FBXL17: variants seen among roughly 807,000 people sequenced by gnomAD.
FBXL17 encodes the protein F-box/LRR-repeat protein 17.
Under a neutral mutation model 66.2 loss-of-function variants are expected in FBXL17, and 22 were observed. That is an observed-to-expected ratio of 0.33 (90% confidence interval 0.24 to 0.47). The LOEUF is 0.47. Among genes scored for constraint, FBXL17 ranks in the 20% least tolerant of loss-of-function variants. FBXL17 has a pLI of 1.00. For missense variants in FBXL17, 878 were observed against 948.2 expected, an observed-to-expected ratio of 0.93 and a Z score of 0.97; for synonymous variants, 474 against 400.5, an observed-to-expected ratio of 1.18 and a Z score of -2.19.
At chr5:108,372,170 C>T (rs1489281908) in intron 1 of FBXL17, among the ~76,000 whole-genome samples, 1 of 152,206 alleles carries the variant, frequency 6.6e-6, no homozygotes, top group Non-Finnish European at 1.5e-5. Flanking sequence ...AATCATATCT[C>T]TTTCTTGAGA....
At chr5:107,899,936 C>T (rs550595923) in intron 7 of FBXL17, among the ~76,000 whole-genome samples, 1 of 151,916 alleles carries the variant, frequency 6.6e-6, no homozygotes, top group Non-Finnish European at 1.5e-5. Context: ...GTACTTGTAC[C>T]CCCTAAATAT....
intron 7 of FBXL17, among the ~76,000 whole-genome samples, chr5:107,899,846 G>T (rs935817258): frequency 1.3e-5 from 2 of 151,732 alleles, no homozygotes; most frequent in African/African-American, 4.9e-5. Flanking sequence ...ATACCTGTTG[G>T]GTCTAATATT....
At chr5:108,245,633 T>A (rs918725529) in intron 4 of FBXL17, among the ~76,000 whole-genome samples, 2 of 152,128 alleles carry the variant, frequency 1.3e-5, no homozygotes, top group African/African-American at 4.8e-5. Context: ...CCACCATCCA[T>A]CGTAACTCAG....
In FBXL17 at chr5:107,861,871, A is replaced by G. The variant is rs1748133002; in HGVS notation, c.1966-11T>C. 1 of 1,508,508 alleles carries G rather than the reference A, an allele frequency of 6.6e-7. No individual in the cohort carries two copies. Among genetic ancestry groups the G allele is most frequent in the Non-Finnish European group, 8.9e-7 (1 of 1,119,984 alleles). The allele number at this position is 1,508,508 out of a possible 1,614,324, so 93.4% of individuals were successfully genotyped here. ...CGTCACTTCGTTGACCTGCAAACAA[A>G]GAAGAGTCACCATCACGCACAGAGA... On this transcript the variant is annotated splice_polypyrimidine_tract_variant and intron_variant, in intron 8 of 8. Coordinates refer to ENST00000542267, the MANE Select transcript of FBXL17 (RefSeq NM_001163315.3).
intron 6 of FBXL17, among the ~76,000 whole-genome samples, chr5:108,046,289 A>G (rs1223590373): frequency 3.9e-5 from 6 of 152,092 alleles, no homozygotes; most frequent in African/African-American, 1.4e-4. Context: ...TGTTTGCATG[A>G]TATATCTTTT....
intron 4 of FBXL17, among the ~76,000 whole-genome samples, chr5:108,295,682 C>T (rs1758317874): frequency 6.6e-6 from 1 of 151,994 alleles, no homozygotes; most frequent in African/African-American, 2.4e-5. Flanking sequence ...AATAAGAGAT[C>T]TTCCAGTAAT....
At chr5:108,358,802 T>G (rs1561551574) in intron 3 of FBXL17, among the ~76,000 whole-genome samples, 1 of 152,140 alleles carries the variant, frequency 6.6e-6, no homozygotes, top group African/African-American at 2.4e-5. Context: ...CCATCAAAGC[T>G]ATGGTCCTTA....
At chr5:107,929,038 A>G (rs1036803088) in intron 7 of FBXL17, among the ~76,000 whole-genome samples, 1 of 152,144 alleles carries the variant, frequency 6.6e-6, no homozygotes, top group East Asian at 1.9e-4. Flanking sequence ...CTTTCTTTAC[A>G]TAGTTCAGTA....
chr5:108,206,229 A>G (rs932288790), intron 5 of FBXL17, among the ~76,000 whole-genome samples: 1 of 152,134 alleles, frequency 6.6e-6, no homozygotes, highest in Admixed American at 6.6e-5. Flanking sequence ...TTCCCTTATG[A>G]ATTATGTGTT....
intron 3 of FBXL17, among the ~76,000 whole-genome samples, chr5:108,362,546 A>T (rs1420365407): frequency 6.6e-6 from 1 of 152,098 alleles, no homozygotes; most frequent in African/African-American, 2.4e-5. Context: ...CCACTGGTAA[A>T]ATTATTTTGA....
chr5:108,222,924 T>C (rs916768475), intron 5 of FBXL17, among the ~76,000 whole-genome samples: 1 of 152,098 alleles, frequency 6.6e-6, no homozygotes. Flanking sequence ...TTCACCTGCC[T>C]CGGCCTCCCA....
intron 6 of FBXL17, among the ~76,000 whole-genome samples, chr5:108,124,921 G>A (rs1054736508): frequency 3.3e-5 from 5 of 151,804 alleles, no homozygotes; most frequent in African/African-American, 7.3e-5. Context: ...CAATTTAACC[G>A]CAATCAAATA....
chr5:108,045,745 T>C (rs957455868), intron 6 of FBXL17, among the ~76,000 whole-genome samples: 5 of 152,226 alleles, frequency 3.3e-5, no homozygotes, highest in Non-Finnish European at 5.9e-5. Flanking sequence ...AGAAGTCTTT[T>C]CTGTTTCCAA....
At chr5:108,065,180 T>C (rs1180760191) in intron 6 of FBXL17, among the ~76,000 whole-genome samples, 6 of 152,168 alleles carry the variant, frequency 3.9e-5, no homozygotes, top group African/African-American at 1.2e-4. Context: ...ATGGGTATGA[T>C]ATGTACATAT....
chr5:108,157,410 A>G (rs1051212304), intron 6 of FBXL17, among the ~76,000 whole-genome samples: 7 of 151,958 alleles, frequency 4.6e-5, no homozygotes, highest in Non-Finnish European at 1.0e-4. Flanking sequence ...CTAGTCATGA[A>G]AACATGTCAA....
intron 7 of FBXL17, among the ~76,000 whole-genome samples, chr5:107,959,381 AACACACACACACACACAC>A (rs57041975): frequency 1.4e-5 from 2 of 148,002 alleles, no homozygotes; most frequent in Admixed American, 6.7e-5. Flanking sequence ...GGCTGCTATA[AACACACACACACACACAC>A]ACACACACAC....
intron 6 of FBXL17, among the ~76,000 whole-genome samples, chr5:108,042,980 A>G (rs1747110663): frequency 6.6e-6 from 1 of 152,182 alleles, no homozygotes; most frequent in Non-Finnish European, 1.5e-5. Flanking sequence ...CCTAATGGCT[A>G]AAGACAGTGA....
intron 4 of FBXL17, among the ~76,000 whole-genome samples, chr5:108,321,683 A>G (rs1759625020): frequency 2.6e-5 from 4 of 151,902 alleles, no homozygotes; most frequent in South Asian, 2.1e-4. Context: ...GAAGCCAAAA[A>G]ACAAAAAAGT....
At chr5:108,160,357 T>G (rs996879240) in intron 6 of FBXL17, among the ~76,000 whole-genome samples, 1 of 152,224 alleles carries the variant, frequency 6.6e-6, no homozygotes, top group Non-Finnish European at 1.5e-5. Flanking sequence ...TGTAGCTTTT[T>G]CCTACTTTAA....
Sources: gnomAD v4.1 joint callset for allele counts (sites outside exome capture counted in the v4.1 genomes callset) on GRCh38, gnomAD v4.1.1 for gene constraint, MANE v1.5 for transcripts, NCBI Gene and HGNC (gene_info 2026-07-23, HGNC 2026-07-21) for gene names.